The following IL1RAPL1 variants were observed in gnomAD, a reference collection of about 807,000 sequenced individuals.
IL1RAPL1 encodes the protein interleukin 1 receptor accessory protein like 1.
In IL1RAPL1, 3 loss-of-function variants were observed where a neutral mutation model predicts 48.4. The ratio of observed to expected loss-of-function variants is 0.06; its 90% CI spans 0.03 to 0.16. The LOEUF (loss-of-function observed/expected upper bound fraction) is 0.16. Ranked by LOEUF, IL1RAPL1 falls within the 10% of genes least tolerant of loss-of-function variation. IL1RAPL1 has a pLI of 1.00. For synonymous variants in IL1RAPL1, 185 were observed against 187.7 expected (o/e 0.99, Z 0.12); for missense variants, 349 against 530.6 (o/e 0.66, Z 3.36).
At chrX:28,602,111 A>T (rs1019052670) in intron 1 of IL1RAPL1, among the ~76,000 whole-genome samples, 2 of 109,847 alleles carry the variant, frequency 1.8e-5, no homozygotes, top group Non-Finnish European at 3.8e-5. Context: ...TCTCAAAAAA[A>T]AAAAAAAAAA....
chrX:28,643,598 G>A (rs1934573022), intron 1 of IL1RAPL1, among the ~76,000 whole-genome samples: 1 of 109,909 alleles, frequency 9.1e-6, no homozygotes, highest in Non-Finnish European at 1.9e-5. Flanking sequence ...GTCTCCTGAG[G>A]ATTTGTTAAG....
intron 6 of IL1RAPL1, among the ~76,000 whole-genome samples, chrX:29,885,733 C>G (rs1293732875): frequency 9.0e-6 from 1 of 111,594 alleles, no homozygotes; most frequent in Non-Finnish European, 1.9e-5. Flanking sequence ...GCGGGAGGTT[C>G]ACTTGAGCCC....
chrX:28,878,903 G>C (rs1036788535), intron 2 of IL1RAPL1, among the ~76,000 whole-genome samples: 1 of 111,314 alleles, frequency 9.0e-6, no homozygotes, highest in African/African-American at 3.3e-5. Flanking sequence ...TTATTATCCA[G>C]TTTTAGGTGT....
At chrX:28,856,219 T>C (rs1317936117) in intron 2 of IL1RAPL1, among the ~76,000 whole-genome samples, 1 of 111,914 alleles carries the variant, frequency 8.9e-6, no homozygotes, top group African/African-American at 3.2e-5. Context: ...GGCAAATCTG[T>C]GTTTGTCTGG....
intron 2 of IL1RAPL1, among the ~76,000 whole-genome samples, chrX:29,200,105 G>A (rs1930524773): frequency 9.1e-6 from 1 of 109,495 alleles, no homozygotes; most frequent in African/African-American, 3.3e-5. Context: ...TGGTTTTTAA[G>A]TTGTGTATTT....
At chrX:29,222,012 C>T (rs936374063) in intron 2 of IL1RAPL1, among the ~76,000 whole-genome samples, 2 of 30,172 alleles carry the variant, frequency 6.6e-5, no homozygotes, top group African/African-American at 2.7e-4. Context: ...AGCGAGATTC[C>T]GTCAAAAAAA....
chrX:29,314,391 T>C (rs1932760143), intron 3 of IL1RAPL1, among the ~76,000 whole-genome samples: 1 of 112,069 alleles, frequency 8.9e-6, no homozygotes, highest in Non-Finnish European at 1.9e-5. Flanking sequence ...GTTGAATAAG[T>C]AAGGGAGTTC....
chrX:29,850,505 G>A (rs758002490), intron 6 of IL1RAPL1, among the ~76,000 whole-genome samples: 1 of 112,495 alleles, frequency 8.9e-6, no homozygotes, highest in Non-Finnish European at 1.9e-5. Flanking sequence ...GCAAGAACAT[G>A]TGATTCCCGG....
intron 5 of IL1RAPL1, among the ~76,000 whole-genome samples, chrX:29,530,472 C>T (rs1935601108): frequency 8.9e-6 from 1 of 111,854 alleles, no homozygotes; most frequent in South Asian, 3.8e-4. Context: ...CAGTGTAATA[C>T]ATGCTTCAGA....
intron 5 of IL1RAPL1, among the ~76,000 whole-genome samples, chrX:29,660,711 A>G (rs973987291): frequency 9.0e-6 from 1 of 111,551 alleles, no homozygotes; most frequent in Non-Finnish European, 1.9e-5. Context: ...TTGTGCCAGT[A>G]CCATTCTGTA....
chrX:29,524,740 T>C (rs1935536134), intron 5 of IL1RAPL1, among the ~76,000 whole-genome samples: 1 of 112,469 alleles, frequency 8.9e-6, no homozygotes, highest in South Asian at 3.6e-4. Flanking sequence ...AAGCCTGACT[T>C]TAATCTCTGA....
At chrX:29,546,336 A>G (rs953250314) in intron 5 of IL1RAPL1, among the ~76,000 whole-genome samples, 3 of 111,419 alleles carry the variant, frequency 2.7e-5, no homozygotes, top group African/African-American at 9.8e-5. Flanking sequence ...CTCAAAAACT[A>G]TACAGCCTGA....
chrX:29,829,597 C>A (rs1930825960), intron 6 of IL1RAPL1, among the ~76,000 whole-genome samples: 2 of 111,325 alleles, frequency 1.8e-5, no homozygotes, highest in Non-Finnish European at 3.8e-5. Context: ...TCCAAGTCCA[C>A]CAATTTTTGG....
chrX:29,926,188 G>A (rs1307879079), intron 8 of IL1RAPL1, among the ~76,000 whole-genome samples: 2 of 111,724 alleles, frequency 1.8e-5, no homozygotes, highest in Non-Finnish European at 3.8e-5. Context: ...AACATTGTTT[G>A]GCCTCTTAGC....
intron 6 of IL1RAPL1, among the ~76,000 whole-genome samples, chrX:29,744,457 C>T (rs1281936545): frequency 8.9e-6 from 1 of 112,120 alleles, no homozygotes; most frequent in Admixed American, 9.5e-5. Flanking sequence ...TATTCTGGTC[C>T]ACTTTGAAAG....
At chrX:28,611,200 G>A (rs1934143391) in intron 1 of IL1RAPL1, among the ~76,000 whole-genome samples, 1 of 111,884 alleles carries the variant, frequency 8.9e-6, no homozygotes, top group Admixed American at 9.5e-5. Flanking sequence ...GTATCTTAAG[G>A]TTTAAACTTC....
chrX:28,962,378 T>G (rs1257392055), intron 2 of IL1RAPL1, among the ~76,000 whole-genome samples: 1 of 111,965 alleles, frequency 8.9e-6, no homozygotes, highest in Non-Finnish European at 1.9e-5. Context: ...TTTCTGGCAG[T>G]ACCACTGTGG....
intron 2 of IL1RAPL1, among the ~76,000 whole-genome samples, chrX:29,128,035 C>A (rs557382675): frequency 2.7e-5 from 3 of 109,834 alleles, no homozygotes; most frequent in African/African-American, 9.9e-5. Context: ...TTGTTTCAAT[C>A]AAGAATTGTC....
chrX:29,232,193 AT>A (rs1375558769), intron 2 of IL1RAPL1, among the ~76,000 whole-genome samples: 17 of 112,073 alleles, frequency 1.5e-4, no homozygotes, highest in Admixed American at 1.2e-3. Context: ...TTTTAAAAAA[AT>A]AATTTCTTAT....
Sources: allele counts gnomAD v4.1 joint callset (sites outside exome capture counted in the v4.1 genomes callset), GRCh38; gene constraint gnomAD v4.1.1; transcripts MANE v1.5; gene names NCBI Gene and HGNC (gene_info 2026-07-23, HGNC 2026-07-21).